The following CCDC174 variants were observed in gnomAD, a reference collection of about 807,000 sequenced individuals.
CCDC174 encodes coiled-coil domain containing 174.
CCDC174 carries 37 observed loss-of-function variants against 57.1 expected under a neutral mutation model. The observed-to-expected ratio is 0.65, with a 90% CI of 0.50 to 0.85. The LOEUF (loss-of-function observed/expected upper bound fraction) is 0.85, where lower values mean the gene tolerates loss of function less well. Among genes scored for constraint, CCDC174 ranks in the 40% least tolerant of loss-of-function variants. The pLI, the probability that CCDC174 is intolerant of heterozygous loss-of-function variation, is 0.00. For synonymous variants in CCDC174, 182 were observed against 190.2 expected, an observed-to-expected ratio of 0.96 and a Z score of 0.35; for missense variants, 540 against 574.3, an observed-to-expected ratio of 0.94 and a Z score of 0.61.
intron 3 of CCDC174, among the ~76,000 whole-genome samples, chr3:14,656,611 G>T (rs879453701): frequency 6.6e-6 from 1 of 152,108 alleles, no homozygotes. Context: ...CACTGTAAAG[G>T]TGCCTCCCCA....
intron 6 of CCDC174, among the ~76,000 whole-genome samples, 170 bp from the exon 7 acceptor site, chr3:14,666,635 G>A (rs1575072817): frequency 6.7e-6 from 1 of 150,326 alleles, no homozygotes; most frequent in Non-Finnish European, 1.5e-5. Flanking sequence ...AAAAAAAAAA[G>A]GCGAAGGCTG....
chr3:14,655,645 C>T lies in CCDC174; in HGVS notation c.248+16C>T. 1 of 1,527,546 alleles carries T rather than the reference C, an allele frequency of 6.5e-7. No individual in the cohort carries two copies. Among genetic ancestry groups the T allele is most frequent in the Non-Finnish European group, 9.0e-7 (1 of 1,112,774 alleles). The allele number at this position is 1,527,546 out of a possible 1,614,324, so 94.6% of individuals were successfully genotyped here. ...ACAAAGCAAGGTAAAGTTATAAGCT[C>T]TGGTAAATATAGTTAGCTTTGAGGC... On this transcript the variant is annotated intron_variant, in intron 3 of 10. Coordinates refer to ENST00000383794, the MANE Select transcript of CCDC174 (RefSeq NM_016474.5).
chr3:14,654,538 A>G lies in CCDC174; in HGVS notation c.147+8A>G. 7.7e-7 allele frequency: 1 copy of G among 1,293,272 alleles called. No individual in the cohort carries two copies. 80.1% of individuals were successfully genotyped at this position (1,293,272 alleles called of 1,614,324 possible). A position where few individuals can be genotyped will look rare whatever the true frequency, so the allele number is the denominator to read the frequency against. On this transcript the variant is annotated splice_region_variant and intron_variant, in intron 2 of 10. Transcript: ENST00000383794. The stretch of plus-strand genomic sequence containing the variant: ...CCAAAAACAACTAACAAGGTAAAAA[A>G]TAAGATCTAATTATCTCCATTGGTT...
rs2031524161 is a variant in CCDC174 at position 14,671,798 on chromosome 3, T to G, written c.*604T>G. 1 of 152,770 alleles carries G rather than the reference T, an allele frequency of 6.5e-6. No homozygotes were observed. The highest frequency in any genetic ancestry group is 1.5e-5 in the Non-Finnish European group (1 of 68,492). 9.5% of individuals were successfully genotyped at this position (152,770 alleles called of 1,614,324 possible). A position where few individuals can be genotyped will look rare whatever the true frequency, so the allele number is the denominator to read the frequency against. ...TTTACTGTCATACCATGCTATTACCTACACTCCTGTGTGCAGTGGGCATTC... is the reference window on the plus strand; with the variant it reads ...TTTACTGTCATACCATGCTATTACCGACACTCCTGTGTGCAGTGGGCATTC... On this transcript the variant is annotated 3_prime_UTR_variant, in exon 11 of 11. Coordinates refer to ENST00000383794, the MANE Select transcript of CCDC174 (RefSeq NM_016474.5).
At chr3:14,659,315 G>T (rs368078616) in intron 4 of CCDC174, among the ~76,000 whole-genome samples, 1 of 152,196 alleles carries the variant, frequency 6.6e-6, no homozygotes, top group Non-Finnish European at 1.5e-5. Context: ...TTGTGGTTCT[G>T]TTAGGTGCTA....
chr3:14,654,377 T>C (rs1354485754), intron 1 of CCDC174, 49 bp from the exon 2 acceptor site: 2 of 928,264 alleles, frequency 2.2e-6, no homozygotes, highest in Non-Finnish European at 3.4e-6. Flanking sequence ...AGCAATCCAG[T>C]CACCTGCAGG....
chr3:14,660,291 G>T (rs2031087271), intron 4 of CCDC174, among the ~76,000 whole-genome samples: 1 of 152,180 alleles, frequency 6.6e-6, no homozygotes, highest in Non-Finnish European at 1.5e-5. Context: ...GGATCACAAG[G>T]TCAGGAGTTT....
rs755519616 is a variant in CCDC174 at position 14,670,938 on chromosome 3, G to A, written c.1148G>A (p.Arg383Gln). Residue 383 changes from arginine to glutamine, a missense_variant, in exon 11 of 11, where the codon CGG becomes CAG. Arg to Gln is a conservative substitution (Grantham distance 43). Coordinates refer to ENST00000383794, the MANE Select transcript of CCDC174 (RefSeq NM_016474.5). ...GYWSKRQSDLRAERDPEFAPP... is the reference protein window; with the variant it reads ...GYWSKRQSDLQAERDPEFAPP... ...TGGTCGAAGAGGCAGTCAGATCTCC[G>A]GGCTGAGAGAGATCCTGAGTTTGCC... is the stretch of plus-strand genomic sequence containing the variant. 7.0e-5 allele frequency: 113 copies of A among 1,613,448 alleles called. No homozygotes were observed. Among genetic ancestry groups the A allele is most frequent in the Non-Finnish European group, 8.6e-5 (101 of 1,179,580 alleles).
intron 8 of CCDC174, among the ~76,000 whole-genome samples, 187 bp downstream of exon 8, chr3:14,667,705 T>C (rs930046405): frequency 6.6e-6 from 1 of 152,204 alleles, no homozygotes; most frequent in Non-Finnish European, 1.5e-5. Flanking sequence ...CCTGTGTAAC[T>C]TTGATGTTTT....
intron 4 of CCDC174, among the ~76,000 whole-genome samples, chr3:14,659,753 C>T (rs1032803972): frequency 3.9e-5 from 6 of 151,996 alleles, no homozygotes; most frequent in African/African-American, 1.4e-4. Flanking sequence ...AAAACCCAAT[C>T]CATAATTAGA....
chr3:14,652,801 C>G (rs1228782771), intron 1 of CCDC174, among the ~76,000 whole-genome samples: 1 of 151,570 alleles, frequency 6.6e-6, no homozygotes, highest in Non-Finnish European at 1.5e-5. Context: ...ACTCGGGAAG[C>G]TGAGGCAGGA....
intron 9 of CCDC174, among the ~76,000 whole-genome samples, chr3:14,669,478 A>C (rs920767909): frequency 6.6e-6 from 1 of 152,136 alleles, no homozygotes; most frequent in African/African-American, 2.4e-5. Context: ...AATGTGACCA[A>C]AATTGAACAG....
intron 10 of CCDC174, among the ~76,000 whole-genome samples, chr3:14,670,677 C>T (rs756959009): frequency 2.6e-5 from 4 of 152,080 alleles, no homozygotes; most frequent in African/African-American, 4.8e-5. Context: ...TCTGTATTTC[C>T]CCATCTAGAG....
intron 1 of CCDC174, among the ~76,000 whole-genome samples, chr3:14,653,867 A>G (rs17040006): frequency 0.012 from 1,827 of 152,314 alleles, 22 homozygotes; most frequent in African/African-American, 0.042. Context: ...CTCAGAAGGA[A>G]ATGCTCTGTT....
In CCDC174 at chr3:14,658,976, GC is replaced by G. The variant is rs751875337; in HGVS notation, c.307+50del. Reference sequence around the variant, plus strand: ...TACTTCATTTTCTATAATGCATACAGCCCTTTGATATTACATTACTTGTTAA... The same window carrying G: ...TACTTCATTTTCTATAATGCATACAGCCTTTGATATTACATTACTTGTTAA... On this transcript the variant is annotated intron_variant, in intron 4 of 10. Transcript: ENST00000383794. The G allele has an allele frequency of 1.2e-4, 170 of 1,413,352 alleles. No individual in the cohort carries two copies. In the African/African-American group the frequency reaches 2.2e-3, roughly 18 times the overall value. 87.6% of individuals were successfully genotyped at this position (1,413,352 alleles called of 1,614,324 possible).
At chr3:14,651,975 C>A in intron 1 of CCDC174, 97 bp downstream of exon 1, 1 of 1,223,994 alleles carries the variant, frequency 8.2e-7, no homozygotes. Flanking sequence ...CTCGGGGACC[C>A]AGAGACCTGA....
At chr3:14,665,530 G>T (rs1046861832) in intron 6 of CCDC174, among the ~76,000 whole-genome samples, 1 of 152,130 alleles carries the variant, frequency 6.6e-6, no homozygotes, top group Non-Finnish European at 1.5e-5. Flanking sequence ...TGAAGTAAGG[G>T]CCTTATAACT....
Position 14,655,537 on chromosome 3 carries a change from T to G in CCDC174, c.156T>G (p.Ser52Arg). The G allele has an allele frequency of 1.2e-6, 2 of 1,603,222 alleles. No individual in the cohort carries two copies. The highest frequency in any genetic ancestry group is 1.7e-6 in the Non-Finnish European group (2 of 1,175,016). Residue 52 changes from serine (S) to arginine (R), a missense_variant, in exon 3 of 11, where the codon AGT (serine) becomes AGG (arginine). Ser to Arg is a moderately radical substitution (Grantham distance 110). Coordinates refer to ENST00000383794, the MANE Select transcript of CCDC174 (RefSeq NM_016474.5). ...GKPKTTNKKP[S>R]IWSKQNVGVS... ...CTAAAATTATTCTCCAGAAACCAAG[T>G]ATCTGGAGCAAACAGAATGTAGGCG...
At chr3:14,663,063 GT>G (rs57766096) in intron 5 of CCDC174, among the ~76,000 whole-genome samples, 2,525 of 152,182 alleles carry the variant, frequency 0.017, 31 homozygotes, top group African/African-American at 0.039. Flanking sequence ...TTATTTATTT[GT>G]TTTTGAGGCA....
Sources: gnomAD v4.1 joint callset for allele counts (sites outside exome capture counted in the v4.1 genomes callset) on GRCh38, gnomAD v4.1.1 for gene constraint, MANE v1.5 for transcripts, NCBI Gene and HGNC (gene_info 2026-07-23, HGNC 2026-07-21) for gene names.